Variants in RBPMS observed in about 807,000 individuals in gnomAD.
RBPMS encodes RNA-binding protein with multiple splicing.
In RBPMS, 7 loss-of-function variants were observed where a neutral mutation model predicts 26.8. The observed-to-expected ratio is 0.26, with a 90% confidence interval of 0.15 to 0.49. The LOEUF (loss-of-function observed/expected upper bound fraction) is 0.49. RBPMS is among the 20% of genes least tolerant of loss of function. RBPMS has a pLI of 0.98. For synonymous variants in RBPMS, 96 were observed against 93.3 expected, an observed-to-expected ratio of 1.03 and a Z score of -0.17; for missense variants, 186 against 250.0, an observed-to-expected ratio of 0.74 and a Z score of 1.73.
intron 1 of RBPMS, among the ~76,000 whole-genome samples, chr8:30,408,903 C>T (rs907470758): frequency 1.3e-5 from 2 of 152,162 alleles, no homozygotes; most frequent in Non-Finnish European, 2.9e-5. Flanking sequence ...TGCTTTTTTT[C>T]CTCTATGGAT....
At chr8:30,563,920 C>T (rs1245785613) in intron 7 of RBPMS, 1 of 152,276 alleles carries the variant, frequency 6.6e-6, no homozygotes, top group Non-Finnish European at 1.5e-5. Flanking sequence ...GTCTGCACAT[C>T]ACACCTAAGG....
rs917236747 is a variant in RBPMS, at chr8:30,556,081, G to T, written c.529-2806G>T. On this transcript the variant is annotated intron_variant, in intron 6 of 8. Coordinates refer to ENST00000397323, the MANE Select transcript of RBPMS (RefSeq NM_001008710.3). Reference sequence around the variant, plus strand: ...AGGCTGGAAGAGGAGGCAGCCGTGGGTGTCTGTGGATGCGGTGAGAAGAGC... The same window carrying T: ...AGGCTGGAAGAGGAGGCAGCCGTGGTTGTCTGTGGATGCGGTGAGAAGAGC... The T allele has an allele frequency of 4.1e-6, 4 of 985,332 alleles. No homozygotes were observed. In the African/African-American group the frequency reaches 7.0e-5, roughly 17 times the overall value. 61.0% of individuals were successfully genotyped at this position (985,332 alleles called of 1,614,324 possible). A position where few individuals can be genotyped will look rare whatever the true frequency, so the allele number is the denominator to read the frequency against.
At position 30,549,726 on chromosome 8, in the gene RBPMS, A is replaced by ATTTC. The variant is rs199860833; in HGVS notation, c.528+5123_528+5126dup. ...CTTTCCCAGGCCCTTCCTGGAGGCG[A>ATTTC]TTTCTTTCTTTCTTTCTTTCTTTCC... On this transcript the variant is annotated intron_variant, in intron 6 of 8. Transcript: ENST00000397323. The ATTTC allele has an allele frequency of 2.3e-3, 1,154 of 496,174 alleles. 8 individuals carry two copies. The highest frequency in any genetic ancestry group is 0.011 in the Middle Eastern group (24 of 2,170). 30.7% of individuals were successfully genotyped at this position (496,174 alleles called of 1,614,324 possible).
intron 6 of RBPMS, chr8:30,545,190 G>C (rs1220965942): frequency 1.2e-5 from 15 of 1,294,714 alleles, no homozygotes; most frequent in Middle Eastern, 2.1e-4. Context: ...GGAGATACAA[G>C]ATAGTGTCTA....
rs1466343719 is a variant in RBPMS at position 30,549,389 on chromosome 8, A to C, written c.528+4765A>C. 5 of 861,056 alleles carry C rather than the reference A, an allele frequency of 5.8e-6. No individual in the cohort carries two copies. In the East Asian group the frequency reaches 1.2e-4, roughly 21 times the overall value. The allele number at this position is 861,056 out of a possible 1,614,324, so 53.3% of individuals were successfully genotyped here. A position where few individuals can be genotyped will look rare whatever the true frequency, so the allele number is the denominator to read the frequency against. The stretch of plus-strand genomic sequence containing the variant: ...GCTATCCGGAAAACGACAGCTTTGA[A>C]GGACTGCAGAGCTTGCCTTTGGGGC... On this transcript the variant is annotated intron_variant, in intron 6 of 8. Coordinates refer to ENST00000397323, the MANE Select transcript of RBPMS (RefSeq NM_001008710.3).
At chr8:30,563,502 T>C (rs750990643) in intron 7 of RBPMS, among the ~76,000 whole-genome samples, 2 of 151,898 alleles carry the variant, frequency 1.3e-5, no homozygotes, top group Non-Finnish European at 2.9e-5. Context: ...CCAAGTGGGG[T>C]GTAGGGGGAC....
At chr8:30,465,899 G>T (rs1478014446) in intron 1 of RBPMS, among the ~76,000 whole-genome samples, 3 of 152,194 alleles carry the variant, frequency 2.0e-5, no homozygotes, top group African/African-American at 4.8e-5. Flanking sequence ...TAGTGGTGTG[G>T]TATACCCAGT....
intron 1 of RBPMS, among the ~76,000 whole-genome samples, chr8:30,414,414 C>T (rs1809818304): frequency 1.3e-5 from 2 of 152,168 alleles, no homozygotes; most frequent in African/African-American, 4.8e-5. Context: ...AGGTCTGTTG[C>T]TGGTTAGCTC....
intron 5 of RBPMS, among the ~76,000 whole-genome samples, chr8:30,529,501 TA>T (rs1012565472): frequency 4.1e-5 from 6 of 147,542 alleles, no homozygotes; most frequent in Non-Finnish European, 4.5e-5. Context: ...AAACTCCACC[TA>T]AAAAAAAAGA....
chr8:30,440,140 A>G (rs535424730), intron 1 of RBPMS, among the ~76,000 whole-genome samples: 84 of 152,240 alleles, frequency 5.5e-4, no homozygotes, highest in African/African-American at 1.9e-3. Flanking sequence ...GTCTCATTCT[A>G]TTACTAAGGC....
At position 30,519,317 on chromosome 8, in the gene RBPMS, C is replaced by T. The variant is rs1822746967; in HGVS notation, c.397+14881C>T. Among the ~76,000 whole-genome samples the T allele has an allele frequency of 1.3e-5, 2 of 152,138 alleles. 1 individual carries two copies. Among genetic ancestry groups the T allele is most frequent in the African/African-American group, 4.8e-5 (2 of 41,420 alleles). On this transcript the variant is annotated intron_variant, in intron 5 of 8. Transcript: ENST00000397323. ...AACAGTTACCAAGATTTAGCCACAA[C>T]TTTTTGATTGCTTCTTTCTCCTCCT...
intron 5 of RBPMS, among the ~76,000 whole-genome samples, chr8:30,518,711 T>C (rs866993902): frequency 4.4e-5 from 6 of 136,634 alleles, no homozygotes; most frequent in South Asian, 2.4e-4. Context: ...TTTTTTTTTT[T>C]TTTTCTGAAA....
At chr8:30,558,714 C>T (rs1172461787) in intron 6 of RBPMS, 173 bp from the exon 7 acceptor site, 1 of 686,312 alleles carries the variant, frequency 1.5e-6, no homozygotes, top group Admixed American at 2.0e-5. Context: ...TGGAACGCCT[C>T]TCAGGACACC....
At chr8:30,558,715 T>C in intron 6 of RBPMS, 172 bp from the exon 7 acceptor site, 1 of 687,202 alleles carries the variant, frequency 1.5e-6, no homozygotes, top group Non-Finnish European at 2.7e-6. Flanking sequence ...GGAACGCCTC[T>C]CAGGACACCG....
intron 1 of RBPMS, among the ~76,000 whole-genome samples, chr8:30,438,256 T>C (rs978232528): frequency 6.6e-6 from 1 of 152,194 alleles, no homozygotes; most frequent in Non-Finnish European, 1.5e-5. Flanking sequence ...ATTGCTTGTG[T>C]TGGCCTTTTA....
chr8:30,503,387 G>T (rs1820761420), intron 4 of RBPMS, among the ~76,000 whole-genome samples: 1 of 151,876 alleles, frequency 6.6e-6, no homozygotes, highest in South Asian at 2.1e-4. Context: ...AACTAACTGG[G>T]ATTACAGGTG....
chr8:30,534,200 C>A (rs1046608179), intron 5 of RBPMS, among the ~76,000 whole-genome samples: 3 of 152,050 alleles, frequency 2.0e-5, no homozygotes, highest in Non-Finnish European at 4.4e-5. Context: ...GGCAGTGATG[C>A]CTTGTCAGGA....
At chr8:30,558,468 T>G in intron 6 of RBPMS, 1 of 289,358 alleles carries the variant, frequency 3.5e-6, no homozygotes, top group South Asian at 3.9e-5. Flanking sequence ...GATGGGGTCG[T>G]GAACTGCCCC....
intron 5 of RBPMS, among the ~76,000 whole-genome samples, chr8:30,539,636 T>G (rs1290282337): frequency 1.3e-5 from 2 of 151,782 alleles, no homozygotes; most frequent in Non-Finnish European, 2.9e-5. Context: ...ATCTTTTCTT[T>G]TTTTTTTGAG....
Sources: allele counts gnomAD v4.1 joint callset (sites outside exome capture counted in the v4.1 genomes callset), GRCh38; gene constraint gnomAD v4.1.1; transcripts MANE v1.5; gene names NCBI Gene and HGNC (gene_info 2026-07-23, HGNC 2026-07-21).